The following DCSTAMP variants were observed in gnomAD, a reference collection of about 807,000 sequenced individuals.
DCSTAMP encodes dendritic cell-specific transmembrane protein.
A neutral mutation model predicts 33.8 loss-of-function variants in DCSTAMP; 25 were observed. The ratio of observed to expected loss-of-function variants is 0.74; its 90% CI spans 0.54 to 1.03. DCSTAMP has a LOEUF of 1.03. Ranked by LOEUF, DCSTAMP falls within the 50% of genes least tolerant of loss-of-function variation. The probability of loss-of-function intolerance (pLI) is 0.00; values close to 1 mark genes in which losing one functional copy is unlikely to be tolerated. For synonymous variants in DCSTAMP, 245 were observed against 216.7 expected (o/e 1.13, Z -1.15); for missense variants, 531 against 556.8 (o/e 0.95, Z 0.47).
intron 2 of DCSTAMP, among the ~76,000 whole-genome samples, chr8:104,352,811 C>T (rs530904878): frequency 2.3e-4 from 35 of 152,256 alleles, no homozygotes; most frequent in African/African-American, 7.7e-4. Flanking sequence ...GATGTGAGTA[C>T]GAGACTGCTG....
chr8:104,351,802 C>T (rs899628185), intron 2 of DCSTAMP, among the ~76,000 whole-genome samples: 2 of 151,968 alleles, frequency 1.3e-5, no homozygotes, highest in African/African-American at 4.8e-5. Flanking sequence ...TTTTTCATCA[C>T]CATCTTGGTC....
At position 104,356,113 on chromosome 8, in the gene DCSTAMP, T is replaced by C; in HGVS notation, c.1339-11T>C. ...TCCAATGCCCATTTATCCACTTTTC[T>C]GTCTCTTCAGATTCATTTCTGGCTT... On this transcript the variant is annotated splice_polypyrimidine_tract_variant and intron_variant, in intron 3 of 3. Transcript: ENST00000297581. 6.2e-7 allele frequency: 1 copy of C among 1,607,236 alleles called. No homozygotes were observed. Among genetic ancestry groups the C allele is most frequent in the Admixed American group, 1.7e-5 (1 of 58,796 alleles).
chr8:104,354,605 TA>T (rs958423405), intron 2 of DCSTAMP, among the ~76,000 whole-genome samples: 10 of 151,856 alleles, frequency 6.6e-5, no homozygotes, highest in African/African-American at 2.2e-4. Context: ...AGGGATAGAG[TA>T]AAAAAAATGT....
At position 104,349,388 on chromosome 8, in the gene DCSTAMP, T is replaced by A. The variant is rs370134493; in HGVS notation, c.836T>A (p.Ile279Asn). ...AAGGAGGAAAGGAGGAAGTATGTCA[T>A]CATCCCGACTTTCTGGCCGACTCCT... is the stretch of plus-strand genomic sequence containing the variant. ...LNKEERRKYV[I>N]IPTFWPTPKE... is the part of the protein sequence containing the mutation. Residue 279 changes from isoleucine (I) to asparagine (N), a missense_variant, in exon 2 of 4, where the codon ATC becomes AAC. Coordinates refer to ENST00000297581, the MANE Select transcript of DCSTAMP (RefSeq NM_030788.4). 1 of 1,614,080 alleles carries A rather than the reference T, an allele frequency of 6.2e-7. No individual in the cohort carries two copies. The highest frequency in any genetic ancestry group is 1.3e-5 in the African/African-American group (1 of 74,936).
rs530344219 is a variant in DCSTAMP at position 104,340,758 on chromosome 8, C to T, written c.-13+896C>T. 1.2e-4 allele frequency among the ~76,000 whole-genome samples: 18 copies of T among 152,330 alleles called. No individual in the cohort carries two copies. In the South Asian group the frequency reaches 2.7e-3, roughly 23 times the overall value. On this transcript the variant is annotated intron_variant, in intron 1 of 3. Transcript: ENST00000297581. ...GGACCACAGGTCTCCGTTTGGCGCT[C>T]TTTTCCTGTTCTGCTCTGTCCTTTG...
intron 1 of DCSTAMP, among the ~76,000 whole-genome samples, chr8:104,341,010 CACTT>C (rs1386906513): frequency 1.3e-5 from 2 of 152,186 alleles, no homozygotes; most frequent in African/African-American, 4.8e-5. Flanking sequence ...GAACTGGTGT[CACTT>C]AATGGGAATT....
intron 2 of DCSTAMP, 24 bp from the exon 3 acceptor site, chr8:104,354,853 G>A (rs989645431): frequency 1.3e-6 from 2 of 1,495,002 alleles, no homozygotes; most frequent in Non-Finnish European, 1.8e-6. Context: ...CATGCATCAT[G>A]ATTATTTTAT....
chr8:104,349,005 T>G lies in DCSTAMP; in HGVS notation c.453T>G (p.Ile151Met). The change falls in exon 2 of 4, where the codon ATT becomes ATG. Residue 151 changes from isoleucine (I) to methionine (M), a missense_variant. By Grantham distance (10) the Ile-to-Met change is conservative. Coordinates refer to ENST00000297581, the MANE Select transcript of DCSTAMP (RefSeq NM_030788.4). The part of the protein sequence containing the change: ...LKKYIEAIQW[I>M]YGLATPLSVF... ...AATATATTGAGGCAATTCAGTGGATTTATGGCCTTGCCACTCCACTAAGTG... is the reference window on the plus strand; with the variant it reads ...AATATATTGAGGCAATTCAGTGGATGTATGGCCTTGCCACTCCACTAAGTG... 1 of 1,614,232 alleles carries G rather than the reference T, an allele frequency of 6.2e-7. No individual in the cohort carries two copies. The highest frequency in any genetic ancestry group is 8.5e-7 in the Non-Finnish European group (1 of 1,180,052).
intron 2 of DCSTAMP, among the ~76,000 whole-genome samples, chr8:104,352,832 T>C (rs955019806): frequency 1.3e-5 from 2 of 152,088 alleles, no homozygotes; most frequent in South Asian, 2.1e-4. Context: ...TGGGAGCGCT[T>C]CTCAAACTCT....
At chr8:104,347,279 A>T (rs1810339805) in intron 1 of DCSTAMP, among the ~76,000 whole-genome samples, 1 of 152,208 alleles carries the variant, frequency 6.6e-6, no homozygotes, top group African/African-American at 2.4e-5. Flanking sequence ...TAAGATTCTC[A>T]GGAGGAAACT....
intron 1 of DCSTAMP, among the ~76,000 whole-genome samples, chr8:104,345,585 T>C (rs2140469420): frequency 6.6e-6 from 1 of 152,378 alleles, no homozygotes; most frequent in South Asian, 2.1e-4. Flanking sequence ...CTTTAATTGA[T>C]ACTAGATTTT....
intron 1 of DCSTAMP, among the ~76,000 whole-genome samples, chr8:104,346,510 G>A (rs1810317977): frequency 6.6e-6 from 1 of 152,204 alleles, no homozygotes; most frequent in Non-Finnish European, 1.5e-5. Flanking sequence ...AAGCTTTCAG[G>A]AAAAAGGAAC....
intron 3 of DCSTAMP, 42 bp downstream of exon 3, chr8:104,355,227 T>C (rs746211621): frequency 6.4e-7 from 1 of 1,567,660 alleles, no homozygotes; most frequent in Non-Finnish European, 8.6e-7. Flanking sequence ...TGAGGAAGTG[T>C]TGAGTTTGGA....
At chr8:104,341,524 T>C (rs951159941) in intron 1 of DCSTAMP, among the ~76,000 whole-genome samples, 21 of 152,148 alleles carry the variant, frequency 1.4e-4, no homozygotes, top group African/African-American at 4.8e-4. Context: ...ACGATTGAGG[T>C]GTATGTACCT....
Position 104,355,104 on chromosome 8 carries a change from T to A in DCSTAMP, c.1257T>A (p.Tyr419Ter). 2 of 1,614,012 alleles carry A rather than the reference T, an allele frequency of 1.2e-6. No individual in the cohort carries two copies. The highest frequency in any genetic ancestry group is 2.2e-5 in the South Asian group (2 of 91,070). ...GCGTGGAGAGGAAGCGCATCCAATA[T>A]CTGCATGCAAAGCTGCTTAAAAAAA... ...YPSVERKRIQ[Y>*]LHAKLLKKRS... The change falls in exon 3 of 4, where the codon TAT becomes TAA. Residue 419 changes from tyrosine to a stop codon, truncating the protein, a stop_gained. Coordinates refer to ENST00000297581, the MANE Select transcript of DCSTAMP (RefSeq NM_030788.4). LOFTEE classifies it high-confidence loss of function.
rs760628127 is a variant in DCSTAMP at position 104,355,018 on chromosome 8, G to C, written c.1171G>C (p.Gly391Arg). The C allele has an allele frequency of 6.2e-7, 1 of 1,614,026 alleles. No individual in the cohort carries two copies. Among genetic ancestry groups the C allele is most frequent in the Admixed American group, 1.7e-5 (1 of 60,014 alleles). ...TATTCTTTTGATATTAGTGATGCTG[G>C]GACTGTTGTCCTCTATCCTTATGCA... is the stretch of plus-strand genomic sequence containing the variant. ...SVILLILVML[G>R]LLSSILMQLK... The change falls in exon 3 of 4, where the codon GGA (glycine) becomes CGA (arginine). Residue 391 changes from glycine (G) to arginine (R), a missense_variant. Coordinates refer to ENST00000297581, the MANE Select transcript of DCSTAMP (RefSeq NM_030788.4).
rs149993718 is a variant in DCSTAMP, at chr8:104,349,199, C to T, written c.647C>T (p.Ala216Val). Residue 216 changes from alanine (A) to valine (V), a missense_variant, in exon 2 of 4, where the codon GCC (alanine) becomes GTC (valine). Ala to Val is a moderately conservative substitution (Grantham distance 64). Transcript: ENST00000297581. ...TCCTCCCTGGGTCAGAAGCTACTTG[C>T]CTTTGCAGGGCTTTCGCTCGTCCTG... ...VLSSLGQKLL[A>V]FAGLSLVLLG... 33 of 1,614,094 alleles carry T rather than the reference C, an allele frequency of 2.0e-5. No individual in the cohort carries two copies. Among genetic ancestry groups the T allele is most frequent in the Non-Finnish European group, 2.6e-5 (31 of 1,180,054 alleles).
intron 2 of DCSTAMP, among the ~76,000 whole-genome samples, chr8:104,351,830 G>A (rs1810471487): frequency 1.3e-5 from 2 of 152,206 alleles, no homozygotes; most frequent in South Asian, 4.2e-4. Context: ...ATTTTGGCTG[G>A]TTTCTTTGTT....
At position 104,355,124 on chromosome 8, in the gene DCSTAMP, A is replaced by C; in HGVS notation, c.1277A>C (p.Lys426Thr). The change falls in exon 3 of 4, where the codon AAA (lysine) becomes ACA (threonine). Residue 426 changes from lysine (K) to threonine (T), a missense_variant. Transcript: ENST00000297581. Reference sequence around the variant, plus strand: ...CAATATCTGCATGCAAAGCTGCTTAAAAAAAGATCAAAGCAGCCGCTGGGA... The same window carrying C: ...CAATATCTGCATGCAAAGCTGCTTACAAAAAGATCAAAGCAGCCGCTGGGA... ...RIQYLHAKLL[K>T]KRSKQPLGEV... is the part of the protein sequence containing the mutation. The C allele has an allele frequency of 6.2e-7, 1 of 1,614,118 alleles. No individual in the cohort carries two copies. The highest frequency in any genetic ancestry group is 8.5e-7 in the Non-Finnish European group (1 of 1,180,026).
Sources: gnomAD v4.1 joint callset for allele counts (sites outside exome capture counted in the v4.1 genomes callset) on GRCh38, gnomAD v4.1.1 for gene constraint, MANE v1.5 for transcripts, NCBI Gene and HGNC (gene_info 2026-07-23, HGNC 2026-07-21) for gene names.